The following NUBP1 variants were observed in gnomAD, a reference collection of about 807,000 sequenced individuals.
NUBP1 encodes cytosolic Fe-S cluster assembly factor NUBP1.
In NUBP1, 46 loss-of-function variants were observed where a neutral mutation model predicts 41.8. That is an observed-to-expected ratio of 1.10 (90% CI 0.87 to 1.41). The LOEUF is 1.41. NUBP1 is among the 40% of genes most tolerant of loss of function. The pLI is 0.00. For missense variants in NUBP1, 494 were observed against 414.0 expected (o/e 1.19, Z -1.68); for synonymous variants, 189 against 154.6 (o/e 1.22, Z -1.65).
chr16:10,757,933 A>G lies in NUBP1; in HGVS notation c.512A>G (p.Asp171Gly). The change falls in exon 7 of 11, where the codon GAC (aspartate) becomes GGC (glycine). Residue 171 changes from aspartate to glycine, a missense_variant. Physicochemically the swap from Asp to Gly is moderately conservative, Grantham distance 94. Coordinates refer to ENST00000283027, the MANE Select transcript of NUBP1 (RefSeq NM_002484.4). This position sits in a 1 kb window ranked among gnomAD's most constrained non-coding sequence, Gnocchi z 4.1. ...DWGEVDYLIV[D>G]TPPGTSDEHL... Reference sequence around the variant, plus strand: ...GGAGAGGTCGACTACCTCATTGTGGACACCCCACCTGGGACGTCGGATGAA... The same window carrying G: ...GGAGAGGTCGACTACCTCATTGTGGGCACCCCACCTGGGACGTCGGATGAA... The G allele has an allele frequency of 6.2e-7, 1 of 1,613,840 alleles. No individual in the cohort carries two copies. The highest frequency in any genetic ancestry group is 8.5e-7 in the Non-Finnish European group (1 of 1,179,950).
In NUBP1 at chr16:10,761,396, C is replaced by A. The variant is rs2029881574; in HGVS notation, c.639C>A (p.Ile213=). 6.2e-7 allele frequency: 1 copy of A among 1,614,102 alleles called. No individual in the cohort carries two copies. Among genetic ancestry groups the A allele is most frequent in the South Asian group, 1.1e-5 (1 of 91,050 alleles). The part of the protein sequence containing the change: ...EVSLQDVRKE[I]NFCRKVKLPI... ...CACTCCAGGATGTCCGGAAAGAAAT[C>A]AACTTCTGCCGCAAGGTGAAGCTGC... Residue 213 remains isoleucine, a synonymous_variant, in exon 8 of 11, where the codon ATC becomes ATA. Transcript: ENST00000283027.
At chr16:10,762,808 C>T (rs895201650) in intron 9 of NUBP1, among the ~76,000 whole-genome samples, 12 of 150,132 alleles carry the variant, frequency 8.0e-5, no homozygotes, top group Admixed American at 1.3e-4. Context: ...GGGTGGGGGC[C>T]GCGTGCTTGG....
In NUBP1 at chr16:10,767,436, T is replaced by A; in HGVS notation, c.821-513T>A. 2.5e-6 allele frequency: 1 copy of A among 400,284 alleles called. No individual in the cohort carries two copies. Among genetic ancestry groups the A allele is most frequent in the Non-Finnish European group, 4.4e-6 (1 of 227,496 alleles). 24.8% of individuals were successfully genotyped at this position (400,284 alleles called of 1,614,324 possible). A position where few individuals can be genotyped will look rare whatever the true frequency, so the allele number is the denominator to read the frequency against. Reference sequence around the variant, plus strand: ...AGCAGCAGGCAGAATGTGTGTGTCATGTGCTCCCATTCGTATTTTAGGTAT... The same window carrying A: ...AGCAGCAGGCAGAATGTGTGTGTCAAGTGCTCCCATTCGTATTTTAGGTAT... On this transcript the variant is annotated intron_variant, in intron 9 of 10. Transcript: ENST00000283027. This position sits in a 1 kb window ranked among gnomAD's most constrained non-coding sequence, Gnocchi z 4.6.
intron 5 of NUBP1, 129 bp downstream of exon 5, chr16:10,755,882 C>T: frequency 1.2e-6 from 1 of 817,488 alleles, no homozygotes; most frequent in Non-Finnish European, 2.0e-6. Flanking sequence ...GTGATTAAAA[C>T]CAGTGATTGG....
chr16:10,762,585 T>C (rs529745292), intron 9 of NUBP1, among the ~76,000 whole-genome samples: 1 of 152,108 alleles, frequency 6.6e-6, no homozygotes, highest in Non-Finnish European at 1.5e-5. Context: ...GGCCCTTTAG[T>C]GGGGCTCCTG....
At chr16:10,750,248 T>G (rs930452529) in intron 3 of NUBP1, among the ~76,000 whole-genome samples, 3 of 152,152 alleles carry the variant, frequency 2.0e-5, no homozygotes, top group African/African-American at 4.8e-5. Flanking sequence ...TTAAACTTTT[T>G]TTGTTTGTTT....
chr16:10,766,786 TA>T lies in NUBP1; in HGVS notation c.821-1160del, dbSNP rs2030947041. On this transcript the variant is annotated intron_variant, in intron 9 of 10. Transcript: ENST00000283027. The surrounding 1 kb of genome is among the most constrained non-coding windows in gnomAD (Gnocchi z 4.8). Reference sequence around the variant, plus strand: ...GGCCCCATTACAGAGTTTTTGTGTTTAAATACCCTCTACTTGAGGTACGCCC... The same window carrying T: ...GGCCCCATTACAGAGTTTTTGTGTTTAATACCCTCTACTTGAGGTACGCCC... The T allele has an allele frequency of 2.5e-6, 1 of 397,262 alleles. No individual in the cohort carries two copies. Among genetic ancestry groups the T allele is most frequent in the African/African-American group, 2.1e-5 (1 of 48,742 alleles). 24.6% of individuals were successfully genotyped at this position (397,262 alleles called of 1,614,324 possible). A position where few individuals can be genotyped will look rare whatever the true frequency, so the allele number is the denominator to read the frequency against.
chr16:10,761,298 C>A (rs1190430807), intron 7 of NUBP1, 66 bp from the exon 8 acceptor site: 1 of 1,428,762 alleles, frequency 7.0e-7, no homozygotes, highest in East Asian at 2.3e-5. Flanking sequence ...GCCATCCCCT[C>A]GGTTGCACAG....
At position 10,749,120 on chromosome 16, in the gene NUBP1, GACACATAC is replaced by G. The variant is rs1183718491; in HGVS notation, c.258+1850_258+1857del. Among the ~76,000 whole-genome samples, 1,110 of 92,356 alleles carry G rather than the reference GACACATAC, an allele frequency of 0.012. 19 individuals carry two copies. Among genetic ancestry groups the G allele is most frequent in the African/African-American group, 0.017 (435 of 25,804 alleles). The allele number at this position is 92,356 out of a possible 152,430, so 60.6% of individuals were successfully genotyped here. A position where few individuals can be genotyped will look rare whatever the true frequency, so the allele number is the denominator to read the frequency against. The stretch of plus-strand genomic sequence containing the variant: ...AAAAAAGGATATAGATAGATACACA[GACACATAC>G]ACACACACACACACACACACACACA... On this transcript the variant is annotated intron_variant, in intron 3 of 10. Coordinates refer to ENST00000283027, the MANE Select transcript of NUBP1 (RefSeq NM_002484.4). This position sits in a 1 kb window ranked among gnomAD's most constrained non-coding sequence, Gnocchi z 4.1.
Position 10,749,120 on chromosome 16 carries a change from GACACATACAC to G in NUBP1, c.258+1850_258+1859del, listed in dbSNP as rs1480884224. Among the ~76,000 whole-genome samples, 611 of 92,330 alleles carry G rather than the reference GACACATACAC, an allele frequency of 6.6e-3. 7 individuals are homozygous for G. Among genetic ancestry groups the G allele is most frequent in the African/African-American group, 0.018 (463 of 25,794 alleles). 60.6% of individuals were successfully genotyped at this position (92,330 alleles called of 152,430 possible). On this transcript the variant is annotated intron_variant, in intron 3 of 10. Coordinates refer to ENST00000283027, the MANE Select transcript of NUBP1 (RefSeq NM_002484.4). The surrounding 1 kb of genome is among the most constrained non-coding windows in gnomAD (Gnocchi z 4.1). ...AAAAAAGGATATAGATAGATACACA[GACACATACAC>G]ACACACACACACACACACACACACA...
At chr16:10,746,452 G>A (rs1900068883) in intron 2 of NUBP1, among the ~76,000 whole-genome samples, 1 of 152,160 alleles carries the variant, frequency 6.6e-6, no homozygotes, top group African/African-American at 2.4e-5. Context: ...AATGAAAAGT[G>A]TCTCCAGGCT....
At position 10,743,987 on chromosome 16, in the gene NUBP1, G is replaced by A. The variant is rs765471130; in HGVS notation, c.46G>A (p.Ala16Thr). ...HDCPGADSAQ[A>T]GRGASCQGCP... ...CTGTCCAGGGGCCGACAGCGCCCAG[G>A]CGGGCAGAGGGGCTTCATGTCAGGG... The change falls in exon 2 of 11, where the codon GCG becomes ACG. Residue 16 changes from alanine to threonine, a missense_variant. Transcript: ENST00000283027. 16 of 1,581,296 alleles carry A rather than the reference G, an allele frequency of 1.0e-5. No homozygotes were observed. Among genetic ancestry groups the A allele is most frequent in the African/African-American group, 5.5e-5 (4 of 72,806 alleles).
chr16:10,752,870 ACTGCAAC>A (rs1900385657), intron 4 of NUBP1, among the ~76,000 whole-genome samples, 192 bp downstream of exon 4: 1 of 152,196 alleles, frequency 6.6e-6, no homozygotes, highest in Non-Finnish European at 1.5e-5. Flanking sequence ...ACCTCAGCTC[ACTGCAAC>A]CTCCACCTCC....
chr16:10,748,955 G>T (rs1900179270), intron 3 of NUBP1, among the ~76,000 whole-genome samples: 1 of 151,988 alleles, frequency 6.6e-6, no homozygotes, highest in Non-Finnish European at 1.5e-5. Flanking sequence ...GCTGGGCATG[G>T]TGGTACGTGC....
intron 7 of NUBP1, 29 bp downstream of exon 7, chr16:10,758,056 C>A: frequency 6.2e-7 from 1 of 1,607,400 alleles, no homozygotes; most frequent in Non-Finnish European, 8.5e-7. Flanking sequence ...GGAGCTGGGT[C>A]CAAACTGTGC....
In NUBP1 at chr16:10,757,059, G is replaced by C. The variant is rs140683472; in HGVS notation, c.451+279G>C. Among the ~76,000 whole-genome samples the C allele has an allele frequency of 8.3e-4, 126 of 152,238 alleles. No homozygotes were observed. Among genetic ancestry groups the C allele is most frequent in the African/African-American group, 3.0e-3 (123 of 41,522 alleles). On this transcript the variant is annotated intron_variant, in intron 6 of 10. Transcript: ENST00000283027. This position sits in a 1 kb window ranked among gnomAD's most constrained non-coding sequence, Gnocchi z 4.1. ...TCACGCCTGTAATCCCAGCACTTTG[G>C]GAGGCCGAGGCAGGTGGATCACCTG...
At chr16:10,755,512 C>A (rs752220700) in intron 4 of NUBP1, among the ~76,000 whole-genome samples, 1 of 152,166 alleles carries the variant, frequency 6.6e-6, no homozygotes, top group South Asian at 2.1e-4. Flanking sequence ...TCCAAATAAC[C>A]CAGCTTAGGG....
At position 10,767,631 on chromosome 16, in the gene NUBP1, TTCAC is replaced by T. The variant is rs1170400527; in HGVS notation, c.821-314_821-311del. 1.4e-5 allele frequency: 6 copies of T among 433,854 alleles called. No homozygotes were observed. Among genetic ancestry groups the T allele is most frequent in the Non-Finnish European group, 2.0e-5 (5 of 246,342 alleles). The allele number at this position is 433,854 out of a possible 1,614,324, so 26.9% of individuals were successfully genotyped here. A position where few individuals can be genotyped will look rare whatever the true frequency, so the allele number is the denominator to read the frequency against. The stretch of plus-strand genomic sequence containing the variant: ...TTTAACCATGTGCATTCATGATCCT[TTCAC>T]TCAAAAGCTAATCTCTTAAAATGCA... On this transcript the variant is annotated intron_variant, in intron 9 of 10. Coordinates refer to ENST00000283027, the MANE Select transcript of NUBP1 (RefSeq NM_002484.4). This position sits in a 1 kb window ranked among gnomAD's most constrained non-coding sequence, Gnocchi z 4.6.
chr16:10,761,597 T>G, intron 8 of NUBP1, 123 bp downstream of exon 8: 1 of 1,008,634 alleles, frequency 9.9e-7, no homozygotes, highest in Non-Finnish European at 1.5e-6. Context: ...GAATCACAAT[T>G]AAAATCCCTT....
Sources: gnomAD v4.1 joint callset for allele counts (sites outside exome capture counted in the v4.1 genomes callset) on GRCh38, gnomAD v4.1.1 for gene constraint, Gnocchi (gnomAD v3.1) non-coding constraint, MANE v1.5 for transcripts, NCBI Gene and HGNC (gene_info 2026-07-23, HGNC 2026-07-21) for gene names.